The following ZBED3 variants were observed in gnomAD, a reference collection of about 807,000 sequenced individuals.
ZBED3 encodes the protein zinc finger BED domain-containing protein 3.
For synonymous variants in ZBED3, 175 were observed against 180.0 expected (o/e 0.97, Z 0.22); for missense variants, 388 against 362.9 (o/e 1.07, Z -0.56).
In ZBED3 at chr5:77,077,655, T is replaced by C; in HGVS notation, c.224A>G (p.Gln75Arg). ...HWATCRLCGE[Q>R]VGRGPGFHAG... Reference sequence around the variant, plus strand: ...GTGGAAGCCCGGGCCGCGGCCCACCTGCTCCCCGCACAGACGGCAGGTGGC... The same window carrying C: ...GTGGAAGCCCGGGCCGCGGCCCACCCGCTCCCCGCACAGACGGCAGGTGGC... The change falls in exon 3 of 3, where the codon CAG (glutamine) becomes CGG (arginine). Residue 75 changes from glutamine (Q) to arginine (R), a missense_variant. Physicochemically the swap from Gln to Arg is conservative, Grantham distance 43. Transcript: ENST00000255198. 2 of 1,410,686 alleles carry C rather than the reference T, an allele frequency of 1.4e-6. No homozygotes were observed. The highest frequency in any genetic ancestry group is 1.5e-5 in the South Asian group (1 of 68,252). The allele number at this position is 1,410,686 out of a possible 1,614,324, so 87.4% of individuals were successfully genotyped here.
At chr5:77,086,259 AT>A (rs2150743623) in intron 1 of ZBED3, among the ~76,000 whole-genome samples, 1 of 152,218 alleles carries the variant, frequency 6.6e-6, no homozygotes, top group East Asian at 1.9e-4. Flanking sequence ...GATTTTTTTA[AT>A]TTAATTTTTA....
intron 1 of ZBED3, chr5:77,086,728 T>C (rs186781949): frequency 2.6e-5 from 4 of 152,314 alleles, no homozygotes; most frequent in Non-Finnish European, 5.9e-5. Context: ...ATCAAGCAAG[T>C]CCCAGTTACA....
Position 77,075,981 on chromosome 5 carries a change from GTATATATATATGTATATATGTA to G in ZBED3, c.*1171_*1192del, listed in dbSNP as rs1561296449. 3 of 24,868 alleles carry G rather than the reference GTATATATATATGTATATATGTA, an allele frequency of 1.2e-4. 1 individual carries two copies. Among genetic ancestry groups the G allele is most frequent in the South Asian group, 2.3e-3 (2 of 864 alleles). 1.5% of individuals were successfully genotyped at this position (24,868 alleles called of 1,614,324 possible). A position where few individuals can be genotyped will look rare whatever the true frequency, so the allele number is the denominator to read the frequency against. Reference sequence around the variant, plus strand: ...TATATATATATGTATATGTATATATGTATATATATATGTATATATGTATATATATATGTATATATGTATATAT... The same window carrying G: ...TATATATATATGTATATGTATATATGTATATATATGTATATATGTATATAT... On this transcript the variant is annotated 3_prime_UTR_variant, in exon 3 of 3. Coordinates refer to ENST00000255198, the MANE Select transcript of ZBED3 (RefSeq NM_032367.4).
At chr5:77,086,872 A>G (rs2914145) in intron 1 of ZBED3, 8,348 of 152,452 alleles carry the variant, frequency 0.055, 272 homozygotes, top group East Asian at 0.086. Context: ...AGAGGAGTGC[A>G]GGGAAGGAGC....
Position 77,077,798 on chromosome 5 carries a change from C to CGGACACT in ZBED3, c.74_80dup (p.Gly28ValfsTer178). Reference sequence around the variant, plus strand: ...TCGGCGTCGGCGCCGGCCCCAGTCCCGGACACTGACCGCCCCGCGCCGCCG... The same window carrying CGGACACT: ...TCGGCGTCGGCGCCGGCCCCAGTCCCGGACACTGGACACTGACCGCCCCGCGCCGCCG... On this transcript the variant is annotated frameshift_variant, in exon 3 of 3. Coordinates refer to ENST00000255198, the MANE Select transcript of ZBED3 (RefSeq NM_032367.4). LOFTEE classifies it low-confidence loss of function (END_TRUNC). 7.7e-7 allele frequency: 1 copy of CGGACACT among 1,306,996 alleles called. No homozygotes were observed. The highest frequency in any genetic ancestry group is 9.7e-7 in the Non-Finnish European group (1 of 1,033,390). 81.0% of individuals were successfully genotyped at this position (1,306,996 alleles called of 1,614,324 possible).
At position 77,075,993 on chromosome 5, in the gene ZBED3, GTATA is replaced by G. The variant is rs1230338430; in HGVS notation, c.*1177_*1180del. The G allele has an allele frequency of 2.5e-3, 52 of 20,568 alleles. 11 individuals are homozygous for G. Among genetic ancestry groups the G allele is most frequent in the African/African-American group, 8.8e-3 (47 of 5,358 alleles). 1.3% of individuals were successfully genotyped at this position (20,568 alleles called of 1,614,324 possible). A position where few individuals can be genotyped will look rare whatever the true frequency, so the allele number is the denominator to read the frequency against. On this transcript the variant is annotated 3_prime_UTR_variant, in exon 3 of 3. Coordinates refer to ENST00000255198, the MANE Select transcript of ZBED3 (RefSeq NM_032367.4). ...TATATGTATATATGTATATATATATGTATATATGTATATATATATGTATATATGT... is the reference window on the plus strand; with the variant it reads ...TATATGTATATATGTATATATATATGTATGTATATATATATGTATATATGT...
intron 1 of ZBED3, 171 bp downstream of exon 1, chr5:77,086,940 C>T (rs1458445534): frequency 1.3e-5 from 2 of 152,314 alleles, no homozygotes; most frequent in African/African-American, 2.4e-5. Flanking sequence ...CCGGGCCCAC[C>T]TGCTTTCTCA....
At chr5:77,083,269 G>A (rs1455953457) in intron 1 of ZBED3, among the ~76,000 whole-genome samples, 1 of 152,226 alleles carries the variant, frequency 6.6e-6, no homozygotes, top group East Asian at 1.9e-4. Context: ...CCACTGCTGC[G>A]CCGCTTGGAG....
chr5:77,083,944 A>G (rs1392639333), intron 1 of ZBED3, among the ~76,000 whole-genome samples: 2 of 152,242 alleles, frequency 1.3e-5, no homozygotes, highest in East Asian at 1.9e-4. Context: ...GAGAATGCAT[A>G]TCATTAATTC....
chr5:77,080,018 A>C (rs1344702269), intron 1 of ZBED3, among the ~76,000 whole-genome samples: 1 of 152,178 alleles, frequency 6.6e-6, no homozygotes, highest in Non-Finnish European at 1.5e-5. Flanking sequence ...ATTACTGGAC[A>C]AACACAAAAG....
chr5:77,077,827 C>T lies in ZBED3; in HGVS notation c.52G>A (p.Asp18Asn). The T allele has an allele frequency of 7.7e-7, 1 of 1,293,954 alleles. No homozygotes were observed. 80.2% of individuals were successfully genotyped at this position (1,293,954 alleles called of 1,614,324 possible). A position where few individuals can be genotyped will look rare whatever the true frequency, so the allele number is the denominator to read the frequency against. Reference protein sequence around the residue: ...CTMDQARGLDDAAARGGQCPG... With the variant: ...CTMDQARGLDNAAARGGQCPG... ...CACTGACCGCCCCGCGCCGCCGCGT[C>T]GTCCAGCCCGCGGGCCTGGTCCATG... The change falls in exon 3 of 3, where the codon GAC becomes AAC. Residue 18 changes from aspartate (D) to asparagine (N), a missense_variant. Physicochemically the swap from Asp to Asn is conservative, Grantham distance 23. Coordinates refer to ENST00000255198, the MANE Select transcript of ZBED3 (RefSeq NM_032367.4).
In ZBED3 at chr5:77,077,425, G is replaced by T; in HGVS notation, c.454C>A (p.Arg152=). 8.2e-7 allele frequency: 1 copy of T among 1,225,770 alleles called. No individual in the cohort carries two copies. The allele number at this position is 1,225,770 out of a possible 1,614,324, so 75.9% of individuals were successfully genotyped here. Residue 152 remains arginine (R), a synonymous_variant, in exon 3 of 3, where the codon CGG becomes AGG. Transcript: ENST00000255198. ...CCCTGCTCCACGGCCAGCTCGCGCC[G>T]CTCCAGCTCCCGCTCCCGCCGGCTG... is the stretch of plus-strand genomic sequence containing the variant. The part of the protein sequence containing the change: ...RGSRRERELE[R]RELAVEQGER...
At chr5:77,085,561 G>T (rs566968124) in intron 1 of ZBED3, among the ~76,000 whole-genome samples, 3 of 152,152 alleles carry the variant, frequency 2.0e-5, no homozygotes, top group Non-Finnish European at 4.4e-5. Flanking sequence ...TCACACTAAC[G>T]TGAAATTCAC....
Position 77,077,659 on chromosome 5 carries a change from C to T in ZBED3, c.220G>A (p.Glu74Lys). Reference sequence around the variant, plus strand: ...AAGCCCGGGCCGCGGCCCACCTGCTCCCCGCACAGACGGCAGGTGGCCCAG... The same window carrying T: ...AAGCCCGGGCCGCGGCCCACCTGCTTCCCGCACAGACGGCAGGTGGCCCAG... Reference protein sequence around the residue: ...GHWATCRLCGEQVGRGPGFHA... With the variant: ...GHWATCRLCGKQVGRGPGFHA... The change falls in exon 3 of 3, where the codon GAG (glutamate) becomes AAG (lysine). Residue 74 changes from glutamate (E) to lysine (K), a missense_variant. Glu to Lys is a moderately conservative substitution (Grantham distance 56, BLOSUM62 1). Coordinates refer to ENST00000255198, the MANE Select transcript of ZBED3 (RefSeq NM_032367.4). 7.1e-7 allele frequency: 1 copy of T among 1,406,732 alleles called. No homozygotes were observed. 87.1% of individuals were successfully genotyped at this position (1,406,732 alleles called of 1,614,324 possible).
At chr5:77,080,720 A>G in intron 1 of ZBED3, 1 of 422,478 alleles carries the variant, frequency 2.4e-6, no homozygotes, top group East Asian at 6.9e-5. Context: ...GTTCTCATTC[A>G]TAGGTGGGAA....
chr5:77,086,669 G>C (rs575153845), intron 1 of ZBED3: 1 of 152,244 alleles, frequency 6.6e-6, no homozygotes, highest in Non-Finnish European at 1.5e-5. Flanking sequence ...GGGGATTCTG[G>C]TGTAAGCTTT....
intron 2 of ZBED3, 52 bp from the exon 3 acceptor site, chr5:77,077,947 C>CA: frequency 8.4e-7 from 1 of 1,184,384 alleles, no homozygotes; most frequent in African/African-American, 1.6e-5. Context: ...GCACACAGCT[C>CA]CTAGACTACA....
intron 1 of ZBED3, among the ~76,000 whole-genome samples, chr5:77,081,252 A>C (rs7714607): frequency 2.1e-4 from 32 of 152,110 alleles, no homozygotes; most frequent in African/African-American, 7.5e-4. Context: ...GTTACAAGGG[A>C]GGTAGAGAAA....
At chr5:77,083,446 T>C (rs1226762914) in intron 1 of ZBED3, among the ~76,000 whole-genome samples, 4 of 152,228 alleles carry the variant, frequency 2.6e-5, no homozygotes, top group African/African-American at 9.6e-5. Flanking sequence ...GAAGTGAACC[T>C]GACTCTGTTT....
Sources: gnomAD v4.1 joint callset for allele counts (sites outside exome capture counted in the v4.1 genomes callset) on GRCh38, gnomAD v4.1.1 for gene constraint, MANE v1.5 for transcripts, NCBI Gene and HGNC (gene_info 2026-07-23, HGNC 2026-07-21) for gene names.